The following FOXP1 variants were observed in gnomAD, a reference collection of about 807,000 sequenced individuals.
FOXP1 encodes the protein forkhead box protein P1.
A neutral mutation model predicts 98.2 loss-of-function variants in FOXP1; 15 were observed. The observed-to-expected ratio is 0.15, with a 90% CI of 0.10 to 0.24. FOXP1 has a LOEUF of 0.24. Ranked by LOEUF, FOXP1 falls within the 10% of genes least tolerant of loss-of-function variation. FOXP1 has a pLI of 1.00. For missense variants in FOXP1, 633 were observed against 848.5 expected, an observed-to-expected ratio of 0.75 and a Z score of 3.15; for synonymous variants, 371 against 314.5, an observed-to-expected ratio of 1.18 and a Z score of -1.90.
intron 20 of FOXP1, among the ~76,000 whole-genome samples, chr3:70,961,859 G>A (rs943693230): frequency 1.3e-5 from 2 of 152,162 alleles, no homozygotes; most frequent in East Asian, 1.9e-4. Context: ...CCAGGAGTTC[G>A]AGTCCAGCCT....
At chr3:71,264,707 A>G (rs2069473331) in intron 5 of FOXP1, among the ~76,000 whole-genome samples, 1 of 152,112 alleles carries the variant, frequency 6.6e-6, no homozygotes, top group South Asian at 2.1e-4. Flanking sequence ...TCTCCATTCA[A>G]CCATTATCAC....
chr3:71,445,148 C>T (rs2086300606), intron 3 of FOXP1, among the ~76,000 whole-genome samples: 1 of 152,268 alleles, frequency 6.6e-6, no homozygotes, highest in Admixed American at 6.5e-5. Context: ...GAGGGAAGAG[C>T]CATAACCCCC....
chr3:71,395,113 A>C (rs965256454), intron 3 of FOXP1, among the ~76,000 whole-genome samples: 18 of 151,334 alleles, frequency 1.2e-4, no homozygotes, highest in South Asian at 4.2e-4. Flanking sequence ...AAAAAAAAAA[A>C]AAAAAAAAAA....
chr3:71,207,623 G>C (rs2108441433), intron 5 of FOXP1, among the ~76,000 whole-genome samples: 1 of 152,234 alleles, frequency 6.6e-6, no homozygotes, highest in East Asian at 1.9e-4. Context: ...TGACCCTCCA[G>C]CCTCCACCCT....
At chr3:71,008,727 C>T (rs1559705812) in intron 12 of FOXP1, among the ~76,000 whole-genome samples, 3 of 152,072 alleles carry the variant, frequency 2.0e-5, no homozygotes, top group Non-Finnish European at 4.4e-5. Context: ...GTTATTTGTA[C>T]AGTATTTATC....
chr3:71,300,039 T>G (rs1336541699), intron 4 of FOXP1, among the ~76,000 whole-genome samples, 159 bp from the exon 5 acceptor site: 1 of 152,238 alleles, frequency 6.6e-6, no homozygotes, highest in Non-Finnish European at 1.5e-5. Context: ...TCTCTACTTA[T>G]CTGGACCATA....
chr3:71,570,806 C>G (rs1028766344), intron 2 of FOXP1: 3 of 152,174 alleles, frequency 2.0e-5, no homozygotes, highest in Admixed American at 2.0e-4. Context: ...ACCCAATTGG[C>G]CTGCCTTACC....
intron 13 of FOXP1, among the ~76,000 whole-genome samples, chr3:70,995,975 T>C (rs964827195): frequency 1.3e-5 from 2 of 152,208 alleles, no homozygotes; most frequent in African/African-American, 2.4e-5. Context: ...AATCAAGTCA[T>C]ATTTTATTTT....
At chr3:71,541,593 C>A (rs1188228643) in intron 2 of FOXP1, among the ~76,000 whole-genome samples, 1 of 151,804 alleles carries the variant, frequency 6.6e-6, no homozygotes, top group Non-Finnish European at 1.5e-5. Context: ...TCTAGCTGCA[C>A]AACAGATACA....
intron 14 of FOXP1, among the ~76,000 whole-genome samples, chr3:70,978,647 C>G (rs1264034609): frequency 1.3e-5 from 2 of 152,192 alleles, no homozygotes; most frequent in African/African-American, 2.4e-5. Context: ...TCGTGGATGA[C>G]GAGAACTCCT....
At chr3:71,389,085 T>C (rs1052194484) in intron 3 of FOXP1, among the ~76,000 whole-genome samples, 1 of 152,078 alleles carries the variant, frequency 6.6e-6, no homozygotes, top group Non-Finnish European at 1.5e-5. Flanking sequence ...AATTTAGTAT[T>C]TGTGTACTGA....
In FOXP1 at chr3:70,957,577, T is replaced by TA. The variant is rs886058842; in HGVS notation, c.*1669dup. The TA allele has an allele frequency of 5.0e-4, 116 of 232,010 alleles. 1 individual carries two copies. In the Middle Eastern group the frequency reaches 9.0e-3, roughly 18 times the overall value. The allele number at this position is 232,010 out of a possible 1,614,324, so 14.4% of individuals were successfully genotyped here. A position where few individuals can be genotyped will look rare whatever the true frequency, so the allele number is the denominator to read the frequency against. On this transcript the variant is annotated 3_prime_UTR_variant, in exon 21 of 21. Coordinates refer to ENST00000649528, the MANE Select transcript of FOXP1 (RefSeq NM_001349338.3). ...ATTAAGCTTCGAAAGGCTCTCGAAC[T>TA]AAAAAAAACTACAGTCCTATATAAA...
chr3:71,201,340 C>A (rs543768961), intron 5 of FOXP1, among the ~76,000 whole-genome samples: 8 of 152,336 alleles, frequency 5.3e-5, no homozygotes, highest in Admixed American at 3.9e-4. Flanking sequence ...AAACTTGCCC[C>A]TTTGTACAGA....
At chr3:71,173,383 TCA>T (rs3064895) in intron 6 of FOXP1, among the ~76,000 whole-genome samples, 39,570 of 143,052 alleles carry the variant, frequency 0.28, 5,463 homozygotes, top group Non-Finnish European at 0.31. Flanking sequence ...AAGAAAAAAT[TCA>T]CACACACACA....
intron 4 of FOXP1, among the ~76,000 whole-genome samples, chr3:71,336,189 T>C (rs1359129122): frequency 1.3e-5 from 2 of 152,128 alleles, no homozygotes; most frequent in East Asian, 3.8e-4. Context: ...AATAAAAGTT[T>C]AAAAAATGCA....
chr3:71,153,876 G>T (rs1244638972), intron 6 of FOXP1, among the ~76,000 whole-genome samples: 1 of 152,028 alleles, frequency 6.6e-6, no homozygotes, highest in African/African-American at 2.4e-5. Context: ...GTTTTCAGAG[G>T]TACGGCAATA....
chr3:71,434,239 C>T (rs1246860766), intron 3 of FOXP1, among the ~76,000 whole-genome samples: 1 of 152,096 alleles, frequency 6.6e-6, no homozygotes, highest in Non-Finnish European at 1.5e-5. Context: ...GTGAAAGATA[C>T]AGAAAATAAT....
intron 3 of FOXP1, among the ~76,000 whole-genome samples, chr3:71,406,405 G>GTATATAAATATATATATA (rs2082340019): frequency 9.4e-6 from 1 of 105,948 alleles, no homozygotes; most frequent in Admixed American, 9.4e-5. Context: ...AACTGTATGT[G>GTATATAAATATATATATA]TATATATATA....
chr3:71,441,572 C>T (rs1233737913), intron 3 of FOXP1, among the ~76,000 whole-genome samples: 2 of 152,310 alleles, frequency 1.3e-5, no homozygotes, highest in South Asian at 2.1e-4. Flanking sequence ...CTACGATGCC[C>T]CCGGCGTCAC....
Sources: gnomAD v4.1 joint callset for allele counts (sites outside exome capture counted in the v4.1 genomes callset) on GRCh38, gnomAD v4.1.1 for gene constraint, MANE v1.5 for transcripts, NCBI Gene and HGNC (gene_info 2026-07-23, HGNC 2026-07-21) for gene names.